The following NKAIN2 variants were observed in gnomAD, a reference collection of about 807,000 sequenced individuals.
NKAIN2 encodes sodium/potassium transporting ATPase interacting 2, also known as sodium/potassium-transporting ATPase subunit beta-1-interacting protein 2.
NKAIN2 carries 14 observed loss-of-function variants against 32.6 expected under a neutral mutation model. The ratio of observed to expected loss-of-function variants is 0.43; its 90% CI spans 0.28 to 0.67. The LOEUF (loss-of-function observed/expected upper bound fraction) is 0.67, where lower values mean the gene tolerates loss of function less well. Among genes scored for constraint, NKAIN2 ranks in the 30% least tolerant of loss-of-function variants. NKAIN2 has a pLI of 0.17. For synonymous variants in NKAIN2, 80 were observed against 87.2 expected (o/e 0.92, Z 0.46); for missense variants, 198 against 258.3 (o/e 0.77, Z 1.60).
At chr6:124,791,264 T>C in intron 4 of NKAIN2, 75 bp from the exon 5 acceptor site, 1 of 1,138,970 alleles carries the variant, frequency 8.8e-7, no homozygotes, top group Middle Eastern at 2.0e-4. Context: ...TGCCTGACTT[T>C]GAAAAGCCAC....
At chr6:124,088,133 A>C (rs1453821080) in intron 1 of NKAIN2, among the ~76,000 whole-genome samples, 1 of 151,996 alleles carries the variant, frequency 6.6e-6, no homozygotes, top group Non-Finnish European at 1.5e-5. Context: ...TGGCACAAAA[A>C]TGTTTGCAGT....
At chr6:124,278,535 T>C (rs1440313063) in intron 1 of NKAIN2, among the ~76,000 whole-genome samples, 1 of 151,016 alleles carries the variant, frequency 6.6e-6, no homozygotes, top group Non-Finnish European at 1.5e-5. Flanking sequence ...TAACATTTAC[T>C]ATGGTGCAAC....
intron 3 of NKAIN2, among the ~76,000 whole-genome samples, chr6:124,626,219 G>A (rs545436459): frequency 3.1e-4 from 47 of 151,148 alleles, no homozygotes; most frequent in South Asian, 6.3e-4. Flanking sequence ...TAATTGCCAT[G>A]GTCTGAACTT....
intron 1 of NKAIN2, among the ~76,000 whole-genome samples, chr6:124,215,763 A>G (rs1438586892): frequency 2.6e-5 from 4 of 152,150 alleles, no homozygotes; most frequent in Non-Finnish European, 4.4e-5. Flanking sequence ...GATCTTCTCA[A>G]CAAAATCAGC....
At chr6:124,820,592 A>G (rs1781354321) in intron 6 of NKAIN2, among the ~76,000 whole-genome samples, 1 of 152,132 alleles carries the variant, frequency 6.6e-6, no homozygotes, top group Non-Finnish European at 1.5e-5. Flanking sequence ...TTCCTAAAAG[A>G]TCTCCTCTGT....
At chr6:124,180,995 G>C (rs1002130093) in intron 1 of NKAIN2, among the ~76,000 whole-genome samples, 8 of 152,214 alleles carry the variant, frequency 5.3e-5, no homozygotes, top group Admixed American at 5.2e-4. Flanking sequence ...TGCCCTAGCA[G>C]AGGTTCTCCA....
rs538743808 is a variant in NKAIN2, at chr6:124,102,806, A to C, written c.55-180199A>C. Among the ~76,000 whole-genome samples the C allele has an allele frequency of 3.6e-4, 55 of 152,320 alleles. No homozygotes were observed. The South Asian group carries it at 9.3e-3, about 26-fold the overall frequency. On this transcript the variant is annotated intron_variant, in intron 1 of 6. Coordinates refer to ENST00000368417, the MANE Select transcript of NKAIN2 (RefSeq NM_001040214.3). ...AACAATCCTTGCTTCATAGTCTCTAAATGTTTCAAATATGTAATTCTTGTT... is the reference window on the plus strand; with the variant it reads ...AACAATCCTTGCTTCATAGTCTCTACATGTTTCAAATATGTAATTCTTGTT...
At chr6:124,656,370 G>A (rs1289667716) in intron 3 of NKAIN2, among the ~76,000 whole-genome samples, 1 of 152,132 alleles carries the variant, frequency 6.6e-6, no homozygotes, top group East Asian at 1.9e-4. Flanking sequence ...TGTAGGGAAA[G>A]TTGTATGCTT....
At chr6:124,354,100 G>A (rs11154221) in intron 2 of NKAIN2, among the ~76,000 whole-genome samples, 34,414 of 152,016 alleles carry the variant, frequency 0.23, 3,966 homozygotes, top group Admixed American at 0.29. Context: ...AAGTCCATTC[G>A]TTTTAAGCTT....
intron 3 of NKAIN2, among the ~76,000 whole-genome samples, chr6:124,574,915 T>C (rs1450573227): frequency 6.6e-6 from 1 of 152,202 alleles, no homozygotes; most frequent in African/African-American, 2.4e-5. Context: ...GGGTTATACA[T>C]TCATTCAGAA....
chr6:123,961,060 A>T (rs1777824052), intron 1 of NKAIN2, among the ~76,000 whole-genome samples: 1 of 152,182 alleles, frequency 6.6e-6, no homozygotes, highest in South Asian at 2.1e-4. Flanking sequence ...GCAAAGCAGG[A>T]GATGCCTATG....
intron 5 of NKAIN2, among the ~76,000 whole-genome samples, chr6:124,793,699 T>G (rs1336303938): frequency 6.8e-6 from 1 of 146,258 alleles, no homozygotes; most frequent in Non-Finnish European, 1.5e-5. Context: ...AAAAAAAAGA[T>G]TCCAAAGCCA....
At chr6:123,946,318 A>G (rs1234900769) in intron 1 of NKAIN2, among the ~76,000 whole-genome samples, 2 of 152,188 alleles carry the variant, frequency 1.3e-5, no homozygotes, top group Non-Finnish European at 2.9e-5. Flanking sequence ...AATGTTGACT[A>G]TATAAAATGC....
chr6:124,550,377 T>C (rs1374566520), intron 3 of NKAIN2, among the ~76,000 whole-genome samples: 1 of 152,194 alleles, frequency 6.6e-6, no homozygotes, highest in Admixed American at 6.5e-5. Context: ...TTGTTTTCTA[T>C]TCTTTTTTTT....
intron 1 of NKAIN2, among the ~76,000 whole-genome samples, chr6:124,082,952 G>A (rs1784041039): frequency 6.6e-6 from 1 of 151,820 alleles, no homozygotes; most frequent in South Asian, 2.1e-4. Flanking sequence ...ATTTTAATAG[G>A]TGATCATTAT....
intron 3 of NKAIN2, among the ~76,000 whole-genome samples, chr6:124,500,602 T>G (rs1778249549): frequency 6.6e-6 from 1 of 151,852 alleles, no homozygotes; most frequent in Admixed American, 6.6e-5. Context: ...TGATGTGAGC[T>G]GAGATCACGC....
At chr6:124,185,364 A>G (rs934310254) in intron 1 of NKAIN2, among the ~76,000 whole-genome samples, 1 of 152,188 alleles carries the variant, frequency 6.6e-6, no homozygotes, top group African/African-American at 2.4e-5. Context: ...AAGTCACAGA[A>G]GTACTGTGTG....
chr6:124,342,497 C>A (rs767106929), intron 2 of NKAIN2, among the ~76,000 whole-genome samples: 1 of 150,654 alleles, frequency 6.6e-6, no homozygotes, highest in African/African-American at 2.4e-5. Context: ...TTAAACAAGT[C>A]TTTTTTTGTT....
intron 4 of NKAIN2, among the ~76,000 whole-genome samples, chr6:124,713,208 G>A (rs1018817964): frequency 7.9e-5 from 12 of 152,096 alleles, no homozygotes; most frequent in Admixed American, 7.9e-4. Context: ...GATGAATAAA[G>A]TAAGACTCAA....
Sources: allele counts gnomAD v4.1 joint callset (sites outside exome capture counted in the v4.1 genomes callset), GRCh38; gene constraint gnomAD v4.1.1; transcripts MANE v1.5; gene names NCBI Gene and HGNC (gene_info 2026-07-23, HGNC 2026-07-21).